LIMCH1: variants seen among roughly 807,000 people sequenced by gnomAD.
The protein encoded by LIMCH1 is LIM and calponin homology domains-containing protein 1.
A neutral mutation model predicts 176.5 loss-of-function variants in LIMCH1; 113 were observed. That is an observed-to-expected ratio of 0.64 (90% CI 0.55 to 0.75). The LOEUF (loss-of-function observed/expected upper bound fraction) is 0.75, where lower values mean the gene tolerates loss of function less well. LIMCH1 is among the 30% of genes least tolerant of loss of function. LIMCH1 has a pLI of 0.00. For synonymous variants in LIMCH1, 619 were observed against 645.9 expected, an observed-to-expected ratio of 0.96 and a Z score of 0.63; for missense variants, 1,674 against 1,814.9, an observed-to-expected ratio of 0.92 and a Z score of 1.41.
intron 1 of LIMCH1, among the ~76,000 whole-genome samples, chr4:41,413,782 A>T (rs1185129348): frequency 1.3e-5 from 2 of 152,190 alleles, no homozygotes; most frequent in Admixed American, 6.5e-5. Flanking sequence ...GATCAGTTCC[A>T]CATAATGTAA....
At chr4:41,629,776 G>A (rs892547877) in intron 9 of LIMCH1, 42 bp downstream of exon 9, 24 of 1,501,628 alleles carry the variant, frequency 1.6e-5, no homozygotes, top group Non-Finnish European at 1.7e-5. Context: ...GGCAGTCATG[G>A]TATTTCATTT....
intron 1 of LIMCH1, among the ~76,000 whole-genome samples, chr4:41,569,812 AATT>A (rs1157478586): frequency 1.3e-5 from 2 of 152,222 alleles, no homozygotes; most frequent in African/African-American, 4.8e-5. Context: ...CTGTGCATCA[AATT>A]CACTTTAGTT....
chr4:41,593,415 T>C (rs1256588203), intron 1 of LIMCH1, among the ~76,000 whole-genome samples: 3 of 152,248 alleles, frequency 2.0e-5, no homozygotes, highest in African/African-American at 7.2e-5. Context: ...ATGGTAACTT[T>C]CCATCAGTAG....
intron 3 of LIMCH1, among the ~76,000 whole-genome samples, chr4:41,529,356 G>A (rs1225303850): frequency 6.6e-6 from 1 of 152,222 alleles, no homozygotes. Context: ...ATATGCACAT[G>A]TGAAGTATAA....
At chr4:41,622,031 A>T (rs947255645) in intron 7 of LIMCH1, among the ~76,000 whole-genome samples, 3 of 152,088 alleles carry the variant, frequency 2.0e-5, no homozygotes, top group African/African-American at 7.2e-5. Flanking sequence ...TATATTACAG[A>T]TAATCATGCC....
chr4:41,532,550 C>G (rs1194811858), intron 3 of LIMCH1, among the ~76,000 whole-genome samples: 1 of 152,218 alleles, frequency 6.6e-6, no homozygotes, highest in Admixed American at 6.5e-5. Flanking sequence ...GGCTTGACCA[C>G]ATCGTGAATA....
intron 1 of LIMCH1, among the ~76,000 whole-genome samples, chr4:41,473,983 G>T (rs2067354889): frequency 6.6e-6 from 1 of 151,148 alleles, no homozygotes; most frequent in South Asian, 2.1e-4. Context: ...TTTGAGACCA[G>T]CCTGGCCAAC....
intron 20 of LIMCH1, 115 bp downstream of exon 20, chr4:41,663,099 T>A (rs1392265330): frequency 1.0e-6 from 1 of 954,910 alleles, no homozygotes; most frequent in Non-Finnish European, 1.6e-6. Context: ...TCTCCTCATC[T>A]TTTTTCCTAT....
chr4:41,399,145 A>T (rs115312060), intron 1 of LIMCH1, among the ~76,000 whole-genome samples: 2,370 of 152,272 alleles, frequency 0.016, 56 homozygotes, highest in African/African-American at 0.053. Context: ...ATGGGATGTT[A>T]TTATAAAGTA....
intron 1 of LIMCH1, among the ~76,000 whole-genome samples, chr4:41,390,446 C>T (rs927638507): frequency 4.6e-5 from 7 of 152,124 alleles, no homozygotes; most frequent in African/African-American, 1.4e-4. Context: ...GTCTGCCATG[C>T]GTGGTGTGCA....
chr4:41,620,710 C>T lies in LIMCH1; in HGVS notation c.725+20C>T, dbSNP rs748439452. The T allele has an allele frequency of 6.6e-7, 1 of 1,513,110 alleles. No homozygotes were observed. The highest frequency in any genetic ancestry group is 1.2e-5 in the South Asian group (1 of 80,988). The allele number at this position is 1,513,110 out of a possible 1,614,324, so 93.7% of individuals were successfully genotyped here. On this transcript the variant is annotated intron_variant, in intron 7 of 31. Coordinates refer to ENST00000503057, the MANE Select transcript of LIMCH1 (RefSeq NM_001330672.2). ...TGCCAGGTCAGCTCTGGGCTGAGGGCTGGCCCGGCTGGCTTTCTGCATGCC... is the reference window on the plus strand; with the variant it reads ...TGCCAGGTCAGCTCTGGGCTGAGGGTTGGCCCGGCTGGCTTTCTGCATGCC...
chr4:41,567,689 A>G (rs566389258), intron 1 of LIMCH1, among the ~76,000 whole-genome samples: 6 of 152,228 alleles, frequency 3.9e-5, no homozygotes, highest in African/African-American at 1.4e-4. Context: ...AGTATTACCA[A>G]TAAGTGCACA....
At chr4:41,466,903 G>T (rs557129364) in intron 1 of LIMCH1, among the ~76,000 whole-genome samples, 1 of 152,082 alleles carries the variant, frequency 6.6e-6, no homozygotes, top group South Asian at 2.1e-4. Flanking sequence ...CCGAAACTCT[G>T]TACCCATTAA....
At position 41,629,533 on chromosome 4, in the gene LIMCH1, G is replaced by A; in HGVS notation, c.1070G>A (p.Cys357Tyr). 6.5e-7 allele frequency: 1 copy of A among 1,536,050 alleles called. No individual in the cohort carries two copies. Among genetic ancestry groups the A allele is most frequent in the Non-Finnish European group, 8.7e-7 (1 of 1,146,902 alleles). Residue 357 changes from cysteine (C) to tyrosine (Y), a missense_variant, in exon 9 of 32, where the codon TGT (cysteine) becomes TAT (tyrosine). Cys to Tyr is a radical substitution (Grantham distance 194). Transcript: ENST00000503057. ...GAAGAGGTGAAGTTGATAGTGACCT[G>A]TAACATGAGGGCTCAGGAAAGTGAA... ...HTEEVKLIVT[C>Y]NMRAQESEPV...
chr4:41,681,692 A>G (rs747101787), intron 25 of LIMCH1, among the ~76,000 whole-genome samples: 1 of 152,094 alleles, frequency 6.6e-6, no homozygotes, highest in Non-Finnish European at 1.5e-5. Flanking sequence ...AATAATAATA[A>G]AAAAAACTAA....
At chr4:41,548,127 A>T (rs1045583505) in intron 1 of LIMCH1, among the ~76,000 whole-genome samples, 1 of 151,876 alleles carries the variant, frequency 6.6e-6, no homozygotes, top group Non-Finnish European at 1.5e-5. Flanking sequence ...ATGATGATGT[A>T]TACTTCTGCA....
intron 1 of LIMCH1, among the ~76,000 whole-genome samples, chr4:41,542,360 C>CTTTTTTT: frequency 8.2e-6 from 1 of 121,378 alleles, no homozygotes. Flanking sequence ...CTCTTTCTTT[C>CTTTTTTT]TTTTCTTTTT....
intron 2 of LIMCH1, among the ~76,000 whole-genome samples, chr4:41,495,408 G>T (rs1486911206): frequency 6.6e-6 from 1 of 152,128 alleles, no homozygotes; most frequent in African/African-American, 2.4e-5. Flanking sequence ...GAAACAAAAA[G>T]TTTCCTCATG....
chr4:41,659,033 A>G (rs2094539662), intron 18 of LIMCH1, among the ~76,000 whole-genome samples: 1 of 152,218 alleles, frequency 6.6e-6, no homozygotes, highest in Non-Finnish European at 1.5e-5. Context: ...TGTGCAAGAC[A>G]GCACTTTGAA....
Sources: gnomAD v4.1 joint callset for allele counts (sites outside exome capture counted in the v4.1 genomes callset) on GRCh38, gnomAD v4.1.1 for gene constraint, MANE v1.5 for transcripts, NCBI Gene and HGNC (gene_info 2026-07-23, HGNC 2026-07-21) for gene names.